The following FAM47E variants were observed in gnomAD, a reference collection of about 807,000 sequenced individuals.
FAM47E encodes the protein protein FAM47E.
A neutral mutation model predicts 41.6 loss-of-function variants in FAM47E; 32 were observed. That is an observed-to-expected ratio of 0.77 (90% CI 0.58 to 1.03). The LOEUF is 1.03. Among genes scored for constraint, FAM47E ranks in the 50% least tolerant of loss-of-function variants. The pLI, the probability that FAM47E is intolerant of heterozygous loss-of-function variation, is 0.00. For missense variants in FAM47E, 424 were observed against 485.4 expected (o/e 0.87, Z 1.19); for synonymous variants, 184 against 188.7 (o/e 0.98, Z 0.20).
intron 2 of FAM47E, among the ~76,000 whole-genome samples, chr4:76,257,851 G>T (rs759946625): frequency 1.3e-4 from 20 of 152,028 alleles, no homozygotes; most frequent in Non-Finnish European, 2.6e-4. Context: ...AGCTTATAAG[G>T]GCAGGGACTT....
intron 2 of FAM47E, among the ~76,000 whole-genome samples, chr4:76,241,477 T>C (rs1173417513): frequency 6.6e-6 from 1 of 152,072 alleles, no homozygotes; most frequent in African/African-American, 2.4e-5. Flanking sequence ...TTTTTCAACC[T>C]TGATTCCAGC....
chr4:76,281,349 A>G (rs1735337729), intron 7 of FAM47E: 1 of 152,080 alleles, frequency 6.6e-6, no homozygotes, highest in Admixed American at 6.6e-5. Flanking sequence ...AGACTGGGAA[A>G]CTCCATTATA....
intron 2 of FAM47E, among the ~76,000 whole-genome samples, chr4:76,222,812 C>A (rs1215531262): frequency 5.3e-5 from 8 of 152,134 alleles, no homozygotes; most frequent in Non-Finnish European, 8.8e-5. Context: ...GGGAAGAAGA[C>A]CCTGGTCATG....
intron 2 of FAM47E, among the ~76,000 whole-genome samples, chr4:76,229,695 A>T (rs764185705): frequency 6.6e-6 from 1 of 152,176 alleles, no homozygotes; most frequent in Non-Finnish European, 1.5e-5. Flanking sequence ...ATCCATCTTC[A>T]GGTTTCCCAG....
chr4:76,270,466 G>C (rs1206550356), intron 4 of FAM47E, among the ~76,000 whole-genome samples: 1 of 152,190 alleles, frequency 6.6e-6, no homozygotes, highest in Non-Finnish European at 1.5e-5. Context: ...CAGAGTGAGA[G>C]TGACGGACAG....
At chr4:76,282,873 G>C (rs1303908828) in intron 7 of FAM47E, 1 of 152,622 alleles carries the variant, frequency 6.6e-6, no homozygotes, top group African/African-American at 2.4e-5. Flanking sequence ...CACACACACA[G>C]TATATAAATA....
chr4:76,275,788 A>G (rs918947305), intron 5 of FAM47E, among the ~76,000 whole-genome samples: 2 of 152,152 alleles, frequency 1.3e-5, no homozygotes, highest in South Asian at 4.1e-4. Context: ...TGTGGCAGTA[A>G]TGTAGATTCC....
intron 5 of FAM47E, among the ~76,000 whole-genome samples, chr4:76,277,554 A>T (rs1342071353): frequency 6.6e-6 from 1 of 152,126 alleles, no homozygotes; most frequent in African/African-American, 2.4e-5. Flanking sequence ...TGATAAAAAA[A>T]AAAATATTGT....
At chr4:76,217,815 A>G in intron 2 of FAM47E, 1 of 403,218 alleles carries the variant, frequency 2.5e-6, no homozygotes, top group Non-Finnish European at 4.4e-6. Context: ...AAGTACACTT[A>G]ATGAATGATT....
chr4:76,272,224 C>G (rs1344203520), intron 5 of FAM47E, among the ~76,000 whole-genome samples: 1 of 152,104 alleles, frequency 6.6e-6, no homozygotes, highest in Non-Finnish European at 1.5e-5. Flanking sequence ...TCCTCAGCAC[C>G]AAGTTTCTGT....
intron 1 of FAM47E, among the ~76,000 whole-genome samples, chr4:76,255,476 C>A (rs998221900): frequency 1.3e-4 from 20 of 152,102 alleles, no homozygotes; most frequent in African/African-American, 4.8e-4. Flanking sequence ...GGTTTGTTGG[C>A]CCAATGTAGC....
chr4:76,276,037 G>GACAGACACACACACACACACAC (rs1553957135), intron 5 of FAM47E, among the ~76,000 whole-genome samples: 1 of 62,348 alleles, frequency 1.6e-5, no homozygotes, highest in African/African-American at 6.5e-5. Context: ...CAGACAGACA[G>GACAGACACACACACACACACAC]ACACACACAC....
intron 7 of FAM47E, chr4:76,280,962 A>C (rs1212900836): frequency 6.6e-6 from 1 of 152,100 alleles, no homozygotes; most frequent in African/African-American, 2.4e-5. Flanking sequence ...TTGGACAATC[A>C]CTTGTAACAG....
chr4:76,221,979 C>T (rs1360750081), intron 2 of FAM47E, among the ~76,000 whole-genome samples: 1 of 152,200 alleles, frequency 6.6e-6, no homozygotes, highest in Non-Finnish European at 1.5e-5. Flanking sequence ...ATCCCAAACT[C>T]TTTAACAATA....
chr4:76,271,862 GT>G (rs1734906586), intron 5 of FAM47E, 94 bp downstream of exon 5: 5 of 1,357,644 alleles, frequency 3.7e-6, no homozygotes, highest in Non-Finnish European at 4.9e-6. Flanking sequence ...ATGGGTACTG[GT>G]TTTTTAAAGT....
chr4:76,270,058 A>G (rs376338526), intron 4 of FAM47E, among the ~76,000 whole-genome samples: 1 of 152,192 alleles, frequency 6.6e-6, no homozygotes, highest in African/African-American at 2.4e-5. Context: ...CTTAAATATA[A>G]TTCAGATTGG....
chr4:76,251,836 C>T lies in FAM47E; in HGVS notation c.74+16C>T. On this transcript the variant is annotated intron_variant, in intron 1 of 7. Transcript: ENST00000424749. ...GCAGGTCCAGGTAAACACTCAGCGC[C>T]CGGGCCGAGGGCGCATCCCACGCGG... The T allele has an allele frequency of 7.0e-7, 1 of 1,431,264 alleles. No homozygotes were observed. The highest frequency in any genetic ancestry group is 9.1e-7 in the Non-Finnish European group (1 of 1,096,568). The allele number at this position is 1,431,264 out of a possible 1,614,324, so 88.7% of individuals were successfully genotyped here. A position where few individuals can be genotyped will look rare whatever the true frequency, so the allele number is the denominator to read the frequency against.
intron 7 of FAM47E, chr4:76,283,141 T>C (rs1203397228): frequency 5.9e-6 from 2 of 341,488 alleles, no homozygotes; most frequent in African/African-American, 4.2e-5. Flanking sequence ...TGAGCTGGGC[T>C]GGGCCAGACT....
rs1191633974 is a variant in FAM47E at position 76,263,747 on chromosome 4, T to A, written c.464T>A (p.Leu155Gln). 3.2e-6 allele frequency: 5 copies of A among 1,551,610 alleles called. No individual in the cohort carries two copies. Among genetic ancestry groups the A allele is most frequent in the Non-Finnish European group, 3.5e-6 (4 of 1,146,910 alleles). Residue 155 changes from leucine (L) to glutamine (Q), a missense_variant, in exon 3 of 8, where the codon CTG becomes CAG. Coordinates refer to ENST00000424749, the MANE Select transcript of FAM47E (RefSeq NM_001136570.3). ...VLEVLDPDRK[L>Q]EDTWAYCQDT... The stretch of plus-strand genomic sequence containing the variant: ...GAAGTGCTTGATCCTGACCGGAAGC[T>A]GGAGGACACATGGGCTTATTGTCAG...
Sources: allele counts gnomAD v4.1 joint callset (sites outside exome capture counted in the v4.1 genomes callset), GRCh38; gene constraint gnomAD v4.1.1; transcripts MANE v1.5; gene names NCBI Gene and HGNC (gene_info 2026-07-23, HGNC 2026-07-21).